The following NTNG1 variants were observed in gnomAD, a reference collection of about 807,000 sequenced individuals.
NTNG1 encodes the protein netrin G1.
Under a neutral mutation model 54.0 loss-of-function variants are expected in NTNG1, and 16 were observed. The ratio of observed to expected loss-of-function variants is 0.30; its 90% CI spans 0.20 to 0.45. NTNG1 has a LOEUF of 0.45. NTNG1 is among the 20% of genes least tolerant of loss of function. The pLI is 1.00. For synonymous variants in NTNG1, 255 were observed against 263.1 expected (o/e 0.97, Z 0.30); for missense variants, 530 against 678.7 (o/e 0.78, Z 2.43).
intron 3 of NTNG1, among the ~76,000 whole-genome samples, chr1:107,338,121 G>A (rs1379422719): frequency 2.0e-5 from 3 of 152,112 alleles, no homozygotes; most frequent in African/African-American, 2.4e-5. Flanking sequence ...TTAAAAGAGT[G>A]TGTTACCATC....
intron 2 of NTNG1, among the ~76,000 whole-genome samples, chr1:107,308,801 ACTT>A (rs1666836800): frequency 6.6e-6 from 1 of 152,006 alleles, no homozygotes; most frequent in South Asian, 2.1e-4. Context: ...ATGTTTTTCC[ACTT>A]CTTTGATCAA....
chr1:107,187,280 G>A (rs1022998951), intron 2 of NTNG1, among the ~76,000 whole-genome samples: 3 of 151,974 alleles, frequency 2.0e-5, no homozygotes, highest in Non-Finnish European at 4.4e-5. Context: ...TGCAGTACTT[G>A]GCACATAGTA....
intron 3 of NTNG1, among the ~76,000 whole-genome samples, chr1:107,366,624 G>A (rs1670608322): frequency 1.3e-5 from 2 of 152,186 alleles, no homozygotes; most frequent in Admixed American, 6.5e-5. Flanking sequence ...AAAGGAGAAA[G>A]TCAGACTTCA....
intron 2 of NTNG1, among the ~76,000 whole-genome samples, chr1:107,271,220 C>CT (rs1242106175): frequency 2.0e-5 from 3 of 152,112 alleles, no homozygotes; most frequent in Non-Finnish European, 4.4e-5. Flanking sequence ...TTATTATACT[C>CT]TAAGTTTTAG....
chr1:107,268,811 T>C (rs919243306), intron 2 of NTNG1, among the ~76,000 whole-genome samples: 1 of 152,198 alleles, frequency 6.6e-6, no homozygotes, highest in African/African-American at 2.4e-5. Flanking sequence ...GCCAATTGCT[T>C]AGGCCTAAAA....
chr1:107,353,117 T>G (rs1426788385), intron 3 of NTNG1, among the ~76,000 whole-genome samples: 2 of 152,232 alleles, frequency 1.3e-5, no homozygotes, highest in Non-Finnish European at 2.9e-5. Context: ...AACATTTTTC[T>G]TATGCAAATT....
At chr1:107,270,633 C>A (rs1664077726) in intron 2 of NTNG1, among the ~76,000 whole-genome samples, 1 of 151,956 alleles carries the variant, frequency 6.6e-6, no homozygotes, top group African/African-American at 2.4e-5. Context: ...ATATTATCTC[C>A]AAGATATAAA....
chr1:107,400,577 A>G (rs1026687912), intron 4 of NTNG1, among the ~76,000 whole-genome samples: 4 of 152,168 alleles, frequency 2.6e-5, no homozygotes, highest in African/African-American at 9.6e-5. Flanking sequence ...GTCTCATTAT[A>G]GGAACTAAAA....
At chr1:107,311,842 T>C (rs1667035037) in intron 2 of NTNG1, among the ~76,000 whole-genome samples, 1 of 152,212 alleles carries the variant, frequency 6.6e-6, no homozygotes, top group African/African-American at 2.4e-5. Flanking sequence ...TGCATGATGG[T>C]GCATATATAC....
chr1:107,243,010 AG>A (rs1661948151), intron 2 of NTNG1, among the ~76,000 whole-genome samples: 1 of 152,242 alleles, frequency 6.6e-6, no homozygotes, highest in South Asian at 2.1e-4. Flanking sequence ...AGGTTGCCAG[AG>A]GGTTTTTGAT....
chr1:107,171,328 C>T (rs1656223468), intron 2 of NTNG1, among the ~76,000 whole-genome samples: 2 of 152,064 alleles, frequency 1.3e-5, no homozygotes, highest in South Asian at 4.1e-4. Flanking sequence ...ATAACCCTTG[C>T]TCATTTTCCA....
chr1:107,480,788 C>A lies in NTNG1; in HGVS notation c.1568C>A (p.Ala523Glu), dbSNP rs2101619190. The A allele has an allele frequency of 5.0e-6, 8 of 1,595,638 alleles. No individual in the cohort carries two copies. The highest frequency in any genetic ancestry group is 2.3e-5 in the East Asian group (1 of 44,246). Reference sequence around the variant, plus strand: ...GGCGCGCCCCCGCACGGCTCCCCAGCGCTGCTGCTGCTGACCACGCTGCTG... The same window carrying A: ...GGCGCGCCCCCGCACGGCTCCCCAGAGCTGCTGCTGCTGACCACGCTGCTG... ...GQGAPPHGSP[A>E]LLLLTTLLGT... Residue 523 changes from alanine to glutamate, a missense_variant, in exon 8 of 8, where the codon GCG (alanine) becomes GAG (glutamate). Ala to Glu is a moderately radical substitution (Grantham distance 107). This residue lies in a region of NTNG1 where 212 missense variants were observed against 213.6 expected (regional missense o/e 0.99). Transcript: ENST00000370068.
intron 3 of NTNG1, among the ~76,000 whole-genome samples, chr1:107,358,718 A>C (rs1670088001): frequency 6.6e-6 from 1 of 152,104 alleles, no homozygotes; most frequent in Non-Finnish European, 1.5e-5. Flanking sequence ...TGTTGCTTAA[A>C]AACACAGTAT....
rs201246649 is a variant in NTNG1 at position 107,232,059 on chromosome 1, C to G, written c.246+83220C>G. ...GGTACTATGTGGATATTTAACAGAT[C>G]AAATTCTAAGGTTAGCCTCATTTGG... On this transcript the variant is annotated intron_variant, in intron 2 of 7. Coordinates refer to ENST00000370068, the MANE Select transcript of NTNG1 (RefSeq NM_001113226.3). Among the ~76,000 whole-genome samples, 2 of 152,146 alleles carry G rather than the reference C, an allele frequency of 1.3e-5. 1 individual carries two copies. The highest frequency in any genetic ancestry group is 4.1e-4 in the South Asian group (2 of 4,822).
intron 2 of NTNG1, among the ~76,000 whole-genome samples, chr1:107,256,540 T>G (rs1662945011): frequency 6.6e-6 from 1 of 152,160 alleles, no homozygotes; most frequent in South Asian, 2.1e-4. Context: ...GAAGTTAGCG[T>G]AACAGAGCCC....
chr1:107,257,126 AAAG>A, intron 2 of NTNG1, among the ~76,000 whole-genome samples: 1 of 152,362 alleles, frequency 6.6e-6, no homozygotes, highest in South Asian at 2.1e-4. Context: ...CAATATTAAA[AAAG>A]AGATTATGTG....
At chr1:107,380,497 C>T (rs1242823694) in intron 3 of NTNG1, among the ~76,000 whole-genome samples, 2 of 152,010 alleles carry the variant, frequency 1.3e-5, no homozygotes. Flanking sequence ...TCTTGTATCT[C>T]TCTCATAAAG....
chr1:107,342,265 G>C (rs533723405), intron 3 of NTNG1, among the ~76,000 whole-genome samples: 1 of 152,084 alleles, frequency 6.6e-6, no homozygotes, highest in South Asian at 2.1e-4. Context: ...ATAAAAATAT[G>C]TTAGCCCCCT....
chr1:107,292,814 C>T (rs79223816), intron 2 of NTNG1, among the ~76,000 whole-genome samples: 1 of 152,214 alleles, frequency 6.6e-6, no homozygotes, highest in African/African-American at 2.4e-5. Context: ...TGCAAGTATG[C>T]CTACATATAG....
Sources: gnomAD v4.1 joint callset for allele counts (sites outside exome capture counted in the v4.1 genomes callset) on GRCh38, gnomAD v4.1.1 for gene constraint, gnomAD v4.1.1 regional missense constraint, MANE v1.5 for transcripts, NCBI Gene and HGNC (gene_info 2026-07-23, HGNC 2026-07-21) for gene names.